Variants in MME observed in about 807,000 individuals in gnomAD.
MME encodes the protein neprilysin.
MME carries 98 observed loss-of-function variants against 113.2 expected under a neutral mutation model. That is an observed-to-expected ratio of 0.87 (90% CI 0.74 to 1.02). MME has a LOEUF of 1.02. MME is among the 50% of genes least tolerant of loss of function. MME has a pLI of 0.00. For synonymous variants in MME, 292 were observed against 300.6 expected (o/e 0.97, Z 0.30); for missense variants, 836 against 896.0 (o/e 0.93, Z 0.86).
rs1345711709 is a variant in MME, at chr3:155,183,173, G to T, written c.*2714G>T. The T allele has an allele frequency of 6.6e-6, 1 of 152,254 alleles. No individual in the cohort carries two copies. The highest frequency in any genetic ancestry group is 1.5e-5 in the Non-Finnish European group (1 of 68,094). The allele number at this position is 152,254 out of a possible 1,614,324, so 9.4% of individuals were successfully genotyped here. On this transcript the variant is annotated 3_prime_UTR_variant, in exon 23 of 23. Transcript: ENST00000360490. ...TTGTAGGTGCAAGATGGAAAGGATTGTAGGTGCAAGCTGTCCAGAGAAAAG... is the reference window on the plus strand; with the variant it reads ...TTGTAGGTGCAAGATGGAAAGGATTTTAGGTGCAAGCTGTCCAGAGAAAAG...
At chr3:155,127,992 G>A (rs1199110154) in intron 8 of MME, among the ~76,000 whole-genome samples, 1 of 152,168 alleles carries the variant, frequency 6.6e-6, no homozygotes, top group African/African-American at 2.4e-5. Flanking sequence ...TAGCAAACAC[G>A]CAGCATGCTT....
intron 8 of MME, among the ~76,000 whole-genome samples, chr3:155,133,662 CCATATA>C (rs1559939863): frequency 7.8e-5 from 2 of 25,698 alleles, no homozygotes; most frequent in African/African-American, 1.8e-4. Context: ...TATACACACA[CCATATA>C]TATATATATA....
At chr3:155,129,216 A>G (rs1473065739) in intron 8 of MME, among the ~76,000 whole-genome samples, 3 of 152,098 alleles carry the variant, frequency 2.0e-5, no homozygotes, top group African/African-American at 7.2e-5. Flanking sequence ...TGTGGGGTCT[A>G]CCTTCTGCAG....
intron 3 of MME, among the ~76,000 whole-genome samples, chr3:155,104,665 T>G (rs1250717126): frequency 6.6e-6 from 1 of 152,208 alleles, no homozygotes; most frequent in Non-Finnish European, 1.5e-5. Flanking sequence ...AACATGGGTG[T>G]GGACCCCCAT....
chr3:155,180,700 C>A lies in MME; in HGVS notation c.*241C>A. 2.1e-6 allele frequency: 1 copy of A among 483,428 alleles called. No homozygotes were observed. The highest frequency in any genetic ancestry group is 2.1e-5 in the South Asian group (1 of 47,266). 29.9% of individuals were successfully genotyped at this position (483,428 alleles called of 1,614,324 possible). ...TCACTGTGTACATAATGCTTAATTT[C>A]TAAAGATAATATTACTGTTTATTTC... On this transcript the variant is annotated 3_prime_UTR_variant, in exon 23 of 23. Coordinates refer to ENST00000360490, the MANE Select transcript of MME (RefSeq NM_007289.4).
At chr3:155,027,466 C>T (rs892129019) in intron 1 of MME, among the ~76,000 whole-genome samples, 2 of 152,226 alleles carry the variant, frequency 1.3e-5, no homozygotes, top group Non-Finnish European at 2.9e-5. Context: ...AGGCTATTAG[C>T]GGATTTCTCC....
At chr3:155,081,323 C>G (rs1248398092) in intron 1 of MME, 1 of 152,220 alleles carries the variant, frequency 6.6e-6, no homozygotes, top group African/African-American at 2.4e-5. Flanking sequence ...CTTTGACTGT[C>G]TGATATAGTA....
intron 1 of MME, among the ~76,000 whole-genome samples, chr3:155,050,835 T>C (rs1330249754): frequency 7.3e-6 from 1 of 137,296 alleles, no homozygotes; most frequent in East Asian, 2.0e-4. Flanking sequence ...TTTAGTTTAA[T>C]TCAATCCCAC....
Position 155,166,523 on chromosome 3 carries a change from C to T in MME, c.1661-379C>T, listed in dbSNP as rs190535047. On this transcript the variant is annotated intron_variant, in intron 17 of 22. Transcript: ENST00000360490. The stretch of plus-strand genomic sequence containing the variant: ...CAAATATTTATAAGGCAGAAAGGAC[C>T]TTCTGAATGAAGGTTATAACTTCCC... 1.1e-4 allele frequency among the ~76,000 whole-genome samples: 16 copies of T among 152,168 alleles called. No individual in the cohort carries two copies. In the East Asian group the frequency reaches 2.7e-3, roughly 26 times the overall value.
In MME at chr3:155,098,011, G is replaced by A. The variant is rs112226983; in HGVS notation, c.196+12917G>A. Among the ~76,000 whole-genome samples the A allele has an allele frequency of 2.2e-3, 330 of 152,254 alleles. 1 individual carries two copies. The highest frequency in any genetic ancestry group is 7.0e-3 in the African/African-American group (291 of 41,542). ...GATACTTAGCACCTAAACGCAGAGTGAGCAACACAATGTCCCTGCTTACAG... is the reference window on the plus strand; with the variant it reads ...GATACTTAGCACCTAAACGCAGAGTAAGCAACACAATGTCCCTGCTTACAG... On this transcript the variant is annotated intron_variant, in intron 3 of 22. Transcript: ENST00000360490.
intron 16 of MME, among the ~76,000 whole-genome samples, chr3:155,153,646 G>A (rs1364009991): frequency 6.6e-6 from 1 of 152,158 alleles, no homozygotes; most frequent in Non-Finnish European, 1.5e-5. Flanking sequence ...TGATATAATT[G>A]TGATGGGTGT....
At chr3:155,136,832 C>G (rs1720672971) in intron 8 of MME, among the ~76,000 whole-genome samples, 1 of 152,148 alleles carries the variant, frequency 6.6e-6, no homozygotes, top group East Asian at 1.9e-4. Context: ...TTATAGCACA[C>G]TTTATAGCCT....
chr3:155,126,789 C>T (rs1182759667), intron 8 of MME, among the ~76,000 whole-genome samples: 2 of 151,936 alleles, frequency 1.3e-5, no homozygotes, highest in Non-Finnish European at 2.9e-5. Context: ...CACCTGAGGT[C>T]GGGAGATCGA....
intron 3 of MME, among the ~76,000 whole-genome samples, chr3:155,095,373 G>C (rs958754859): frequency 3.9e-5 from 6 of 152,244 alleles, no homozygotes; most frequent in Middle Eastern, 3.4e-3. Flanking sequence ...AGTCAGAGAG[G>C]AGAGACACTG....
intron 3 of MME, among the ~76,000 whole-genome samples, chr3:155,102,305 T>C (rs1007795831): frequency 1.1e-4 from 16 of 152,226 alleles, no homozygotes; most frequent in African/African-American, 2.9e-4. Flanking sequence ...GGGCTAGTCA[T>C]TGTGCTAGGC....
intron 1 of MME, among the ~76,000 whole-genome samples, chr3:155,056,363 G>A (rs1245333940): frequency 6.8e-6 from 1 of 146,350 alleles, no homozygotes; most frequent in Non-Finnish European, 1.5e-5. Flanking sequence ...AGAGTGTGAT[G>A]TTCCCCTTCC....
intron 8 of MME, among the ~76,000 whole-genome samples, chr3:155,130,726 A>C (rs1360687619): frequency 6.6e-6 from 1 of 152,190 alleles, no homozygotes; most frequent in Non-Finnish European, 1.5e-5. Context: ...GGATTAAACA[A>C]GAGGGGATTT....
chr3:155,051,559 A>C (rs925868650), intron 1 of MME, among the ~76,000 whole-genome samples: 3 of 152,260 alleles, frequency 2.0e-5, no homozygotes, highest in Non-Finnish European at 2.9e-5. Context: ...AGTGAGTGCC[A>C]AGCAAAGGGG....
intron 22 of MME, among the ~76,000 whole-genome samples, chr3:155,176,019 T>C (rs1712486013): frequency 6.6e-6 from 1 of 152,208 alleles, no homozygotes; most frequent in Non-Finnish European, 1.5e-5. Context: ...GAACATACAC[T>C]CATCAATATG....
Sources: allele counts gnomAD v4.1 joint callset (sites outside exome capture counted in the v4.1 genomes callset), GRCh38; gene constraint gnomAD v4.1.1; transcripts MANE v1.5; gene names NCBI Gene and HGNC (gene_info 2026-07-23, HGNC 2026-07-21).